The following GALK2 variants were observed in gnomAD, a reference collection of about 807,000 sequenced individuals.
The protein encoded by GALK2 is N-acetylgalactosamine kinase.
Under a neutral mutation model 52.4 loss-of-function variants are expected in GALK2, and 36 were observed. The ratio of observed to expected loss-of-function variants is 0.69; its 90% CI spans 0.53 to 0.91. The LOEUF (loss-of-function observed/expected upper bound fraction) is 0.91, where lower values mean the gene tolerates loss of function less well. Among genes scored for constraint, GALK2 ranks in the 40% least tolerant of loss-of-function variants. The pLI is 0.00. For missense variants in GALK2, 579 were observed against 559.1 expected (o/e 1.04, Z -0.36); for synonymous variants, 176 against 199.1 (o/e 0.88, Z 0.98).
intron 1 of GALK2, among the ~76,000 whole-genome samples, chr15:49,179,850 G>T (rs545504508): frequency 3.3e-5 from 5 of 152,136 alleles, no homozygotes; most frequent in Admixed American, 3.3e-4. Context: ...ACAAGGTCTT[G>T]TTGGTAGCTC....
At chr15:49,178,847 T>G (rs891729365) in intron 1 of GALK2, 7 of 171,086 alleles carry the variant, frequency 4.1e-5, no homozygotes, top group African/African-American at 1.4e-4. Flanking sequence ...TGAGTGCTAT[T>G]ACGGTTGTGC....
At chr15:49,286,570 A>C (rs577682686) in intron 7 of GALK2, among the ~76,000 whole-genome samples, 1 of 152,286 alleles carries the variant, frequency 6.6e-6, no homozygotes, top group Admixed American at 6.5e-5. Context: ...TTTTTTGAAA[A>C]ATTATGATTT....
chr15:49,226,929 T>G (rs969520723), intron 3 of GALK2, among the ~76,000 whole-genome samples: 1 of 152,208 alleles, frequency 6.6e-6, no homozygotes, highest in Admixed American at 6.5e-5. Flanking sequence ...TTTAATCCAT[T>G]GTATCTAAGA....
At chr15:49,198,143 C>A (rs2087403189) in intron 1 of GALK2, among the ~76,000 whole-genome samples, 1 of 152,142 alleles carries the variant, frequency 6.6e-6, no homozygotes, top group Non-Finnish European at 1.5e-5. Context: ...CACTTAATTA[C>A]CTACCATCTC....
intron 9 of GALK2, among the ~76,000 whole-genome samples, chr15:49,322,906 G>A (rs959458862): frequency 2.0e-5 from 3 of 147,918 alleles, no homozygotes; most frequent in South Asian, 2.1e-4. Context: ...GCAGTGAGCC[G>A]AGATCGCAAC....
Position 49,235,540 on chromosome 15 carries a change from G to A in GALK2, c.267-311G>A, listed in dbSNP as rs146853065. On this transcript the variant is annotated intron_variant, in intron 3 of 9. Coordinates refer to ENST00000560031, the MANE Select transcript of GALK2 (RefSeq NM_002044.4). Reference sequence around the variant, plus strand: ...GGCCCAGAGGATAAGCATTCATGTGGTTTACACCAGTTTAACAAGGACCAA... The same window carrying A: ...GGCCCAGAGGATAAGCATTCATGTGATTTACACCAGTTTAACAAGGACCAA... 7.9e-4 allele frequency: 397 copies of A among 499,498 alleles called. 2 individuals carry two copies. Among genetic ancestry groups the A allele is most frequent in the African/African-American group, 6.5e-3 (340 of 52,118 alleles). The allele number at this position is 499,498 out of a possible 1,614,324, so 30.9% of individuals were successfully genotyped here.
intron 8 of GALK2, among the ~76,000 whole-genome samples, chr15:49,315,245 A>G (rs2036306661): frequency 6.6e-6 from 1 of 152,250 alleles, no homozygotes; most frequent in South Asian, 2.1e-4. Flanking sequence ...GGAGGAAAAT[A>G]TCATCTAGTG....
chr15:49,291,718 CA>C (rs1451148310), intron 7 of GALK2, among the ~76,000 whole-genome samples: 3 of 152,150 alleles, frequency 2.0e-5, no homozygotes, highest in African/African-American at 7.2e-5. Context: ...AGTTAGAAGC[CA>C]AACTCTTTTT....
intron 5 of GALK2, among the ~76,000 whole-genome samples, chr15:49,273,206 A>G (rs1468919096): frequency 1.3e-5 from 2 of 152,218 alleles, no homozygotes; most frequent in Non-Finnish European, 2.9e-5. Flanking sequence ...GCTTAATGCA[A>G]ACTCTGAGTG....
chr15:49,175,990 T>C (rs1457380834), intron 1 of GALK2, among the ~76,000 whole-genome samples: 2 of 152,222 alleles, frequency 1.3e-5, no homozygotes, highest in Non-Finnish European at 2.9e-5. Context: ...GGAGCTCGGC[T>C]CTTGAGACAG....
intron 5 of GALK2, among the ~76,000 whole-genome samples, chr15:49,269,689 C>G (rs1407322793): frequency 6.6e-6 from 1 of 152,136 alleles, no homozygotes; most frequent in Non-Finnish European, 1.5e-5. Flanking sequence ...GGCCCTCTCC[C>G]TATGTGCATT....
Position 49,283,625 on chromosome 15 carries a change from A to G in GALK2, c.663A>G (p.Ala221=), listed in dbSNP as rs988246604. 3 of 1,614,040 alleles carry G rather than the reference A, an allele frequency of 1.9e-6. No individual in the cohort carries two copies. The highest frequency in any genetic ancestry group is 3.3e-5 in the Admixed American group (2 of 60,016). Residue 221 remains alanine (A), a synonymous_variant, in exon 7 of 10, where the codon GCA becomes GCG. Transcript: ENST00000560031. ...CCGATGTAAAACTCCCAAGTGGAGC[A>G]GTGTTTGTGATTGCCAACAGTTGTG... ...RATDVKLPSG[A]VFVIANSCVE...
chr15:49,318,595 T>G (rs1372718417), intron 8 of GALK2, among the ~76,000 whole-genome samples: 2 of 152,198 alleles, frequency 1.3e-5, no homozygotes, highest in African/African-American at 4.8e-5. Context: ...ATTAGATATT[T>G]GTTTCTTATT....
intron 8 of GALK2, among the ~76,000 whole-genome samples, chr15:49,317,427 G>A (rs1368769667): frequency 1.6e-5 from 2 of 121,866 alleles, no homozygotes; most frequent in Admixed American, 8.2e-5. Flanking sequence ...TGGAGAGGAT[G>A]TGGAGAAATA....
At chr15:49,335,379 GTAT>G (rs1477242676), downstream of GALK2, 2 of 1,326,658 alleles carry the variant, frequency 1.5e-6, no homozygotes, top group East Asian at 2.3e-5. Context: ...TTCTAAAAAA[GTAT>G]TATTTTATAT....
chr15:49,362,413 C>T (rs907623949), intron 3 of GALK2, among the ~76,000 whole-genome samples: 5 of 152,306 alleles, frequency 3.3e-5, no homozygotes, highest in Non-Finnish European at 4.4e-5. Context: ...GTTAAACCTG[C>T]AGAACTGTGA....
intron 5 of GALK2, among the ~76,000 whole-genome samples, chr15:49,244,135 C>T (rs1040369622): frequency 1.3e-5 from 2 of 151,770 alleles, no homozygotes; most frequent in African/African-American, 4.8e-5. Flanking sequence ...AGAGTTGGGG[C>T]CTCTCTATGT....
intron 7 of GALK2, 68 bp from the exon 8 acceptor site, chr15:49,292,258 TG>T: frequency 7.3e-7 from 1 of 1,373,098 alleles, no homozygotes; most frequent in South Asian, 1.3e-5. Context: ...ACGTTGAATC[TG>T]GCTAATTAAA....
intron 8 of GALK2, among the ~76,000 whole-genome samples, chr15:49,295,385 G>T (rs1443293164): frequency 6.6e-6 from 1 of 151,416 alleles, no homozygotes; most frequent in Non-Finnish European, 1.5e-5. Flanking sequence ...CATTGAATTT[G>T]TCTGGTGTGA....
Sources: gnomAD v4.1 joint callset for allele counts (sites outside exome capture counted in the v4.1 genomes callset) on GRCh38, gnomAD v4.1.1 for gene constraint, MANE v1.5 for transcripts, NCBI Gene and HGNC (gene_info 2026-07-23, HGNC 2026-07-21) for gene names.